The following SGCD variants were observed in gnomAD, a reference collection of about 807,000 sequenced individuals.
SGCD encodes sarcoglycan delta, also known as delta-sarcoglycan.
Under a neutral mutation model 36.6 loss-of-function variants are expected in SGCD, and 18 were observed. The ratio of observed to expected loss-of-function variants is 0.49; its 90% confidence interval spans 0.34 to 0.73. The LOEUF is 0.73. SGCD is among the 30% of genes least tolerant of loss of function. The pLI, the probability that SGCD is intolerant of heterozygous loss-of-function variation, is 0.01. For missense variants in SGCD, 387 were observed against 346.7 expected (o/e 1.12, Z -0.92); for synonymous variants, 133 against 130.6 (o/e 1.02, Z -0.12).
the SGCD span, among the ~76,000 whole-genome samples, chr5:155,799,163 A>G: frequency 1.3e-5 from 2 of 152,172 alleles, no homozygotes; most frequent in Admixed American, 6.5e-5. Context: ...CAAATGATTC[A>G]CATATCTGTT....
At chr5:156,145,007 A>C (rs1383436143) in intron 3 of SGCD, among the ~76,000 whole-genome samples, 4 of 152,214 alleles carry the variant, frequency 2.6e-5, no homozygotes, top group Non-Finnish European at 5.9e-5. Context: ...GAATGATATA[A>C]GATTTTGGAG....
At chr5:156,101,902 C>CTG (rs36187985) in intron 1 of SGCD, among the ~76,000 whole-genome samples, 12,662 of 107,366 alleles carry the variant, frequency 0.12, 746 homozygotes, top group Non-Finnish European at 0.13. Flanking sequence ...GTGTCTCCAG[C>CTG]TGTGTGTGTG....
chr5:156,370,090 G>GT (rs1263266422), intron 3 of SGCD, among the ~76,000 whole-genome samples: 2 of 152,136 alleles, frequency 1.3e-5, no homozygotes, highest in Non-Finnish European at 2.9e-5. Context: ...CTCCATAAAG[G>GT]TCAGTTGCTT....
intron 2 of SGCD, among the ~76,000 whole-genome samples, chr5:156,122,802 T>G (rs1762074163): frequency 7.3e-6 from 1 of 136,562 alleles, no homozygotes; most frequent in Admixed American, 8.1e-5. Context: ...CTTGTAGATC[T>G]TTAATGATGT....
At chr5:156,701,951 T>C (rs568293273) in intron 7 of SGCD, among the ~76,000 whole-genome samples, 1 of 152,294 alleles carries the variant, frequency 6.6e-6, no homozygotes, top group African/African-American at 2.4e-5. Context: ...AAAAATCAGA[T>C]AGGTAGACTC....
chr5:156,099,931 C>T (rs1160257180), intron 1 of SGCD, among the ~76,000 whole-genome samples: 2 of 151,402 alleles, frequency 1.3e-5, no homozygotes, highest in Non-Finnish European at 2.9e-5. Context: ...AAATTTTTTT[C>T]TTTGTACTTT....
the SGCD span, among the ~76,000 whole-genome samples, chr5:155,778,495 G>T: frequency 6.6e-6 from 1 of 152,120 alleles, no homozygotes; most frequent in African/African-American, 2.4e-5. Flanking sequence ...AGTGCTAAAA[G>T]GGCTACCAGT....
intron 1 of SGCD, among the ~76,000 whole-genome samples, chr5:155,961,763 TA>T (rs1757794734): frequency 6.6e-6 from 1 of 152,136 alleles, no homozygotes; most frequent in African/African-American, 2.4e-5. Flanking sequence ...AATCACTTTT[TA>T]AATCCTTACT....
chr5:156,071,925 C>G (rs1208504553), intron 1 of SGCD, among the ~76,000 whole-genome samples: 1 of 152,016 alleles, frequency 6.6e-6, no homozygotes, highest in Non-Finnish European at 1.5e-5. Flanking sequence ...GGTTTAAAGT[C>G]TGTTTTATCA....
In SGCD at chr5:156,050,857, G is replaced by A. The variant is rs1293217113; in HGVS notation, c.-281-67021G>A. 1.4e-5 allele frequency among the ~76,000 whole-genome samples: 2 copies of A among 146,150 alleles called. 1 individual carries two copies. Among genetic ancestry groups the A allele is most frequent in the Non-Finnish European group, 3.1e-5 (2 of 64,890 alleles). On this transcript the variant is annotated intron_variant, in intron 1 of 9. Transcript: ENST00000517913. ...TTCTTATAACCTCTTTCTCACCATT[G>A]TGCCTCCATTTTACAAGAACCCTTT...
At chr5:156,544,113 C>T (rs1758463281) in intron 4 of SGCD, among the ~76,000 whole-genome samples, 1 of 152,102 alleles carries the variant, frequency 6.6e-6, no homozygotes, top group African/African-American at 2.4e-5. Context: ...AGTCGGATAC[C>T]CAGTGTGAGC....
chr5:156,229,950 A>G (rs1245405630), intron 3 of SGCD, among the ~76,000 whole-genome samples: 3 of 152,000 alleles, frequency 2.0e-5, no homozygotes, highest in Non-Finnish European at 4.4e-5. Context: ...GTTCAATTCT[A>G]TTGCTGAGAC....
At chr5:156,135,131 T>C (rs1762425413) in intron 3 of SGCD, among the ~76,000 whole-genome samples, 1 of 152,194 alleles carries the variant, frequency 6.6e-6, no homozygotes, top group Non-Finnish European at 1.5e-5. Flanking sequence ...GATAAATATA[T>C]TGCAGAATGG....
intron 3 of SGCD, among the ~76,000 whole-genome samples, chr5:156,401,167 A>G (rs1772124686): frequency 6.6e-6 from 1 of 152,252 alleles, no homozygotes; most frequent in Non-Finnish European, 1.5e-5. Flanking sequence ...ATATGCAAAC[A>G]GAAATTGAGA....
At position 155,957,349 on chromosome 5, in the gene SGCD, A is replaced by AG. The variant is rs1410427647; in HGVS notation, c.-282+86927dup. On this transcript the variant is annotated intron_variant, in intron 1 of 9. Transcript: ENST00000517913. ...CACCTGAAGAGAGCTGCCCCCACCAAGGTCACACTCTCTCCTTAGTGGCAG... is the reference window on the plus strand; with the variant it reads ...CACCTGAAGAGAGCTGCCCCCACCAAGGGTCACACTCTCTCCTTAGTGGCAG... Among the ~76,000 whole-genome samples, 5 of 152,158 alleles carry AG rather than the reference A, an allele frequency of 3.3e-5. No homozygotes were observed. In the East Asian group the frequency reaches 9.7e-4, roughly 30 times the overall value.
chr5:156,196,643 T>G (rs1764030962), intron 3 of SGCD, among the ~76,000 whole-genome samples: 1 of 152,346 alleles, frequency 6.6e-6, no homozygotes, highest in African/African-American at 2.4e-5. Flanking sequence ...TGTCTTTGTC[T>G]TTCAACACTA....
chr5:155,780,929 C>T, the SGCD span, among the ~76,000 whole-genome samples: 1 of 152,134 alleles, frequency 6.6e-6, no homozygotes, highest in Non-Finnish European at 1.5e-5. Context: ...AATTATCACA[C>T]CACTGACTTG....
intron 3 of SGCD, among the ~76,000 whole-genome samples, chr5:156,376,376 G>C (rs1168286633): frequency 6.6e-6 from 1 of 152,220 alleles, no homozygotes; most frequent in Admixed American, 6.5e-5. Flanking sequence ...TGGAAGAGGG[G>C]CTAGGAAGTG....
intron 3 of SGCD, among the ~76,000 whole-genome samples, chr5:156,359,896 TAGAA>T (rs1348030256): frequency 4.6e-5 from 7 of 152,222 alleles, no homozygotes. Flanking sequence ...CTACTGAACT[TAGAA>T]AGGTTAAGAG....
Sources: allele counts gnomAD v4.1 joint callset (sites outside exome capture counted in the v4.1 genomes callset), GRCh38; gene constraint gnomAD v4.1.1; transcripts MANE v1.5; gene names NCBI Gene and HGNC (gene_info 2026-07-23, HGNC 2026-07-21).